The following RNF115 variants were observed in gnomAD, a reference collection of about 807,000 sequenced individuals.
The protein encoded by RNF115 is ring finger protein 115, also known as E3 ubiquitin-protein ligase RNF115.
A neutral mutation model predicts 39.2 loss-of-function variants in RNF115; 31 were observed. The ratio of observed to expected loss-of-function variants is 0.79; its 90% CI spans 0.59 to 1.07. The LOEUF is 1.07. Among genes scored for constraint, RNF115 ranks in the 50% least tolerant of loss-of-function variants. The pLI, the probability that RNF115 is intolerant of heterozygous loss-of-function variation, is 0.00. For synonymous variants in RNF115, 124 were observed against 131.0 expected (o/e 0.95, Z 0.37); for missense variants, 384 against 381.7 (o/e 1.01, Z -0.05).
intron 1 of RNF115, among the ~76,000 whole-genome samples, chr1:145,795,701 A>C (rs976096471): frequency 6.6e-6 from 1 of 152,172 alleles, no homozygotes; most frequent in South Asian, 2.1e-4. Flanking sequence ...TATAAATCAA[A>C]CTGTAGAAGT....
chr1:145,779,160 G>A (rs1648010124), intron 3 of RNF115, among the ~76,000 whole-genome samples: 1 of 148,240 alleles, frequency 6.7e-6, no homozygotes, highest in African/African-American at 2.5e-5. Flanking sequence ...AGCCATTAAA[G>A]AATATGAAGT....
chr1:145,823,762 G>T lies in RNF115; in HGVS notation c.102+10C>A. The T allele has an allele frequency of 6.4e-7, 1 of 1,560,010 alleles. No individual in the cohort carries two copies. Among genetic ancestry groups the T allele is most frequent in the South Asian group, 1.2e-5 (1 of 85,994 alleles). ...GAGGTTCCCAAGTATAGAGAACACAGCGCTCTTACCGGTAGTTTGGGGCTG... is the reference window on the plus strand; with the variant it reads ...GAGGTTCCCAAGTATAGAGAACACATCGCTCTTACCGGTAGTTTGGGGCTG... On this transcript the variant is annotated intron_variant, in intron 1 of 8. Transcript: ENST00000582693.
intron 3 of RNF115, chr1:145,773,099 T>G (rs1647714593): frequency 6.6e-6 from 1 of 152,230 alleles, no homozygotes; most frequent in South Asian, 2.1e-4. Context: ...TGAGACATTA[T>G]TATCTTGAAT....
chr1:145,779,171 C>T (rs1229284236), intron 3 of RNF115, among the ~76,000 whole-genome samples: 2 of 132,762 alleles, frequency 1.5e-5, no homozygotes, highest in East Asian at 5.2e-4. Flanking sequence ...AATATGAAGT[C>T]CTAATTTTTT....
intron 1 of RNF115, among the ~76,000 whole-genome samples, chr1:145,808,186 C>A (rs782568501): frequency 1.3e-5 from 2 of 152,128 alleles, no homozygotes; most frequent in African/African-American, 2.4e-5. Context: ...ATACTGATTT[C>A]TTTTCCTCTG....
intron 1 of RNF115, among the ~76,000 whole-genome samples, chr1:145,800,628 A>G (rs1649191763): frequency 6.6e-6 from 1 of 152,192 alleles, no homozygotes; most frequent in Non-Finnish European, 1.5e-5. Flanking sequence ...AAGAGCACTG[A>G]GACATCAGAC....
chr1:145,793,504 T>C (rs141525587), intron 1 of RNF115, among the ~76,000 whole-genome samples: 62 of 152,094 alleles, frequency 4.1e-4, no homozygotes, highest in African/African-American at 1.5e-3. Context: ...TCTCACTCAT[T>C]CCTATTGCTT....
intron 1 of RNF115, among the ~76,000 whole-genome samples, chr1:145,816,436 T>C (rs1320552385): frequency 1.6e-3 from 101 of 64,662 alleles, no homozygotes; most frequent in African/African-American, 4.5e-3. Flanking sequence ...AAAGCTAAAA[T>C]TGATCAGGAT....
At chr1:145,784,317 T>A (rs1360339142) in intron 3 of RNF115, among the ~76,000 whole-genome samples, 1 of 152,188 alleles carries the variant, frequency 6.6e-6, no homozygotes, top group Admixed American at 6.5e-5. Flanking sequence ...AGAATACAGT[T>A]TGAGGCTATT....
At chr1:145,760,650 G>A (rs1370125463) in intron 4 of RNF115, among the ~76,000 whole-genome samples, 43 of 152,294 alleles carry the variant, frequency 2.8e-4, no homozygotes, top group African/African-American at 1.0e-3. Flanking sequence ...CCCCAGCCAT[G>A]TGGAACTGTA....
intron 7 of RNF115, 100 bp from the exon 8 acceptor site, chr1:145,748,210 G>A (rs1407040158): frequency 1.1e-5 from 8 of 758,080 alleles, no homozygotes; most frequent in Non-Finnish European, 1.8e-5. Flanking sequence ...ATAAAGAAAA[G>A]ACACAAGAGA....
In RNF115 at chr1:145,811,900, A is replaced by AT. The variant is rs1553722689; in HGVS notation, c.102+11871_102+11872insA. 3.0e-5 allele frequency among the ~76,000 whole-genome samples: 3 copies of AT among 98,476 alleles called. No individual in the cohort carries two copies. The Admixed American group carries it at 3.2e-4, about 10-fold the overall frequency. The allele number at this position is 98,476 out of a possible 152,430, so 64.6% of individuals were successfully genotyped here. ...CTGTCTCACAAAAAAAAAAAAAAAA[A>AT]AAAAAAAAATATATATATATATATA... On this transcript the variant is annotated intron_variant, in intron 1 of 8. Transcript: ENST00000582693.
At chr1:145,811,908 A>AATATATATAT (rs1165510589) in intron 1 of RNF115, among the ~76,000 whole-genome samples, 1 of 55,152 alleles carries the variant, frequency 1.8e-5, no homozygotes, top group African/African-American at 5.7e-5. Context: ...AAAAAAAAAA[A>AATATATATAT]ATATATATAT....
chr1:145,770,658 T>TTC (rs59991998), intron 4 of RNF115, among the ~76,000 whole-genome samples: 127,134 of 152,036 alleles, frequency 0.84, 53,404 homozygotes, highest in African/African-American at 0.9. Flanking sequence ...GTTACTTTAT[T>TTC]TCTGAGACTC....
chr1:145,823,791 T>C lies in RNF115; in HGVS notation c.83A>G (p.Glu28Gly). The change falls in exon 1 of 9, where the codon GAG becomes GGG. Residue 28 changes from glutamate to glycine, a missense_variant. Glu to Gly is a moderately conservative substitution (Grantham distance 98). Coordinates refer to ENST00000582693, the MANE Select transcript of RNF115 (RefSeq NM_014455.4). ...HRFFCHFCKG[E>G]VSPKLPEYIC... ...TCTTACCGGTAGTTTGGGGCTGACC[T>C]CGCCCTTGCAAAAGTGGCAGAAAAA... is the stretch of plus-strand genomic sequence containing the variant. 1 of 1,582,196 alleles carries C rather than the reference T, an allele frequency of 6.3e-7. No individual in the cohort carries two copies. The highest frequency in any genetic ancestry group is 1.4e-5 in the African/African-American group (1 of 71,768).
chr1:145,766,582 C>T (rs1157607094), intron 4 of RNF115, among the ~76,000 whole-genome samples: 1 of 150,666 alleles, frequency 6.6e-6, no homozygotes, highest in Non-Finnish European at 1.5e-5. Context: ...CGGGCAGAGG[C>T]GCCCCTCACC....
chr1:145,797,061 G>T (rs959533429), intron 1 of RNF115, among the ~76,000 whole-genome samples: 1 of 152,144 alleles, frequency 6.6e-6, no homozygotes, highest in African/African-American at 2.4e-5. Context: ...AAACGTACCA[G>T]ATCACTGCAT....
chr1:145,773,471 A>G (rs1553716068), intron 3 of RNF115: 1 of 152,160 alleles, frequency 6.6e-6, no homozygotes, highest in Non-Finnish European at 1.5e-5. Flanking sequence ...CCAAAAAGAA[A>G]AAAAAAAGAA....
At chr1:145,781,460 T>C (rs587621569) in intron 3 of RNF115, among the ~76,000 whole-genome samples, 152 of 152,314 alleles carry the variant, frequency 1.0e-3, no homozygotes, top group African/African-American at 3.5e-3. Context: ...TATTTTGAGA[T>C]AATTTTCACA....
Sources: gnomAD v4.1 joint callset for allele counts (sites outside exome capture counted in the v4.1 genomes callset) on GRCh38, gnomAD v4.1.1 for gene constraint, MANE v1.5 for transcripts, NCBI Gene and HGNC (gene_info 2026-07-23, HGNC 2026-07-21) for gene names.